NLGN1: variants seen among roughly 807,000 people sequenced by gnomAD.
NLGN1 encodes the protein neuroligin-1.
In NLGN1, 12 loss-of-function variants were observed where a neutral mutation model predicts 65.5. That is an observed-to-expected ratio of 0.18 (90% confidence interval 0.12 to 0.30). The LOEUF (loss-of-function observed/expected upper bound fraction) is 0.30, where lower values mean the gene tolerates loss of function less well. Among genes scored for constraint, NLGN1 ranks in the 10% least tolerant of loss-of-function variants. The pLI is 1.00. For missense variants in NLGN1, 750 were observed against 1,007.1 expected, an observed-to-expected ratio of 0.74 and a Z score of 3.46; for synonymous variants, 350 against 359.5, an observed-to-expected ratio of 0.97 and a Z score of 0.30.
At chr3:174,212,301 T>C (rs913646139) in intron 4 of NLGN1, among the ~76,000 whole-genome samples, 1 of 152,168 alleles carries the variant, frequency 6.6e-6, no homozygotes, top group African/African-American at 2.4e-5. Context: ...TACCCGGAAC[T>C]CCAGCTGGCC....
chr3:174,251,414 G>T (rs1744747552), intron 4 of NLGN1, among the ~76,000 whole-genome samples: 2 of 152,152 alleles, frequency 1.3e-5, no homozygotes, highest in Non-Finnish European at 2.9e-5. Flanking sequence ...GTGCAAATTA[G>T]AAAAACATAC....
chr3:173,669,351 A>T (rs1383701587), intron 3 of NLGN1, among the ~76,000 whole-genome samples: 2 of 152,218 alleles, frequency 1.3e-5, no homozygotes, highest in Non-Finnish European at 2.9e-5. Flanking sequence ...TTCAGGCCAG[A>T]AGTCTGAAGT....
At chr3:173,912,928 A>G (rs1277941991) in intron 4 of NLGN1, among the ~76,000 whole-genome samples, 5 of 152,172 alleles carry the variant, frequency 3.3e-5, no homozygotes, top group Admixed American at 1.3e-4. Context: ...TGTCCTTTCC[A>G]TTAAAAATAT....
intron 4 of NLGN1, among the ~76,000 whole-genome samples, chr3:174,268,449 G>A (rs1204407565): frequency 6.6e-6 from 1 of 152,080 alleles, no homozygotes; most frequent in African/African-American, 2.4e-5. Flanking sequence ...GACTGGAGCT[G>A]GGGGTTACTT....
At chr3:173,657,975 T>G (rs558717278) in intron 3 of NLGN1, among the ~76,000 whole-genome samples, 173 of 152,048 alleles carry the variant, frequency 1.1e-3, no homozygotes, top group Non-Finnish European at 1.4e-3. Flanking sequence ...GCATGGTGAC[T>G]TTCAGCAATA....
chr3:173,926,284 T>C (rs1477493737), intron 4 of NLGN1, among the ~76,000 whole-genome samples: 3 of 152,206 alleles, frequency 2.0e-5, no homozygotes, highest in Non-Finnish European at 4.4e-5. Context: ...CTGGAAAAGA[T>C]AATTTTACTA....
chr3:173,902,073 T>A (rs951416440), intron 4 of NLGN1, among the ~76,000 whole-genome samples: 7 of 152,158 alleles, frequency 4.6e-5, no homozygotes, highest in African/African-American at 1.7e-4. Flanking sequence ...TGACGGAATG[T>A]TATTTGATTA....
intron 4 of NLGN1, among the ~76,000 whole-genome samples, chr3:174,163,122 A>G (rs1726864521): frequency 6.6e-6 from 1 of 151,990 alleles, no homozygotes; most frequent in Non-Finnish European, 1.5e-5. Flanking sequence ...TAAGGTTATT[A>G]TTAACTACAG....
intron 4 of NLGN1, among the ~76,000 whole-genome samples, chr3:174,094,069 C>T (rs754096611): frequency 2.0e-5 from 3 of 151,824 alleles, no homozygotes; most frequent in African/African-American, 4.8e-5. Context: ...ATCTATATAC[C>T]GTAGTGTGCT....
chr3:174,287,166 TTAAAAA>T (rs1752225272), downstream of NLGN1, among the ~76,000 whole-genome samples: 1 of 151,440 alleles, frequency 6.6e-6, no homozygotes, highest in African/African-American at 2.4e-5. Flanking sequence ...CTGGAAACAA[TTAAAAA>T]TAAAATCTAT....
intron 4 of NLGN1, among the ~76,000 whole-genome samples, chr3:174,194,104 T>A (rs557157098): frequency 3.9e-5 from 6 of 151,994 alleles, no homozygotes; most frequent in Non-Finnish European, 8.8e-5. Context: ...TTTTTTATTG[T>A]GATATAATAT....
chr3:173,560,556 C>T lies in NLGN1; in HGVS notation c.-320-43723C>T, dbSNP rs564949353. 7.8e-4 allele frequency among the ~76,000 whole-genome samples: 118 copies of T among 151,892 alleles called. 2 individuals carry two copies. The South Asian group carries it at 0.023, about 30-fold the overall frequency. ...TTTTTTATTATTCTAGCTTCAAATA[C>T]CCGTCTATTTTAGGTTAGCACCAGT... On this transcript the variant is annotated intron_variant, in intron 2 of 6. Coordinates refer to ENST00000457714, the Ensembl canonical transcript of NLGN1.
At chr3:173,978,342 A>G (rs1717981698) in intron 4 of NLGN1, among the ~76,000 whole-genome samples, 1 of 152,132 alleles carries the variant, frequency 6.6e-6, no homozygotes, top group South Asian at 2.1e-4. Flanking sequence ...AATAATAAAG[A>G]GAAAGAGCAG....
intron 4 of NLGN1, among the ~76,000 whole-genome samples, chr3:173,990,357 C>G (rs909064560): frequency 6.6e-6 from 1 of 152,146 alleles, no homozygotes; most frequent in South Asian, 2.1e-4. Context: ...TTCTCCTAAT[C>G]TTGATTGAAG....
At chr3:173,522,764 T>G (rs777722719) in intron 2 of NLGN1, among the ~76,000 whole-genome samples, 5 of 152,146 alleles carry the variant, frequency 3.3e-5, no homozygotes, top group Admixed American at 3.3e-4. Flanking sequence ...CAATTATTTC[T>G]TTTCCTTTGG....
intron 3 of NLGN1, among the ~76,000 whole-genome samples, chr3:173,665,771 G>C (rs553557724): frequency 6.6e-6 from 1 of 152,130 alleles, no homozygotes; most frequent in East Asian, 1.9e-4. Flanking sequence ...AATGTGCAGA[G>C]AAAAGAAATA....
chr3:173,784,536 TAGAGGCAGAGAGCG>T (rs1479473720), intron 3 of NLGN1, among the ~76,000 whole-genome samples: 2 of 151,774 alleles, frequency 1.3e-5, no homozygotes, highest in African/African-American at 2.4e-5. Context: ...AGACCGTACC[TAGAGGCAGAGAGCG>T]AGAGGCAGAG....
At chr3:174,078,411 AGAAAT>A (rs1741459228) in intron 4 of NLGN1, among the ~76,000 whole-genome samples, 1 of 152,218 alleles carries the variant, frequency 6.6e-6, no homozygotes, top group African/African-American at 2.4e-5. Flanking sequence ...GGTTCTAGGC[AGAAAT>A]TTAGACTAGA....
intron 4 of NLGN1, among the ~76,000 whole-genome samples, chr3:173,815,522 G>A (rs1718860780): frequency 6.6e-6 from 1 of 151,992 alleles, no homozygotes; most frequent in South Asian, 2.1e-4. Context: ...CCTAGCACAG[G>A]ACACAGTTAA....
Sources: gnomAD v4.1 joint callset for allele counts (sites outside exome capture counted in the v4.1 genomes callset) on GRCh38, gnomAD v4.1.1 for gene constraint, MANE v1.5 for transcripts, NCBI Gene and HGNC (gene_info 2026-07-23, HGNC 2026-07-21) for gene names.